Variants in DGKB observed in about 807,000 individuals in gnomAD.
The protein encoded by DGKB is diacylglycerol kinase beta.
In DGKB, 67 loss-of-function variants were observed where a neutral mutation model predicts 114.3. The ratio of observed to expected loss-of-function variants is 0.59; its 90% CI spans 0.48 to 0.72. The LOEUF is 0.72. Ranked by LOEUF, DGKB falls within the 30% of genes least tolerant of loss-of-function variation. The pLI, the probability that DGKB is intolerant of heterozygous loss-of-function variation, is 0.00. For synonymous variants in DGKB, 398 were observed against 323.1 expected, an observed-to-expected ratio of 1.23 and a Z score of -2.49; for missense variants, 907 against 975.2, an observed-to-expected ratio of 0.93 and a Z score of 0.93.
At chr7:14,488,437 AAAT>A (rs560274224) in intron 20 of DGKB, among the ~76,000 whole-genome samples, 308 of 152,236 alleles carry the variant, frequency 2.0e-3, no homozygotes, top group African/African-American at 6.9e-3. Context: ...ATGCTCCCTT[AAAT>A]ACAAAGTTTC....
At chr7:14,164,213 T>C (rs557772132) in intron 25 of DGKB, among the ~76,000 whole-genome samples, 61 of 152,302 alleles carry the variant, frequency 4.0e-4, no homozygotes, top group African/African-American at 1.3e-3. Flanking sequence ...TCTTTTTCTT[T>C]CATCACTAAA....
chr7:14,679,813 T>C (rs1162446519), intron 12 of DGKB, among the ~76,000 whole-genome samples: 1 of 152,040 alleles, frequency 6.6e-6, no homozygotes, highest in Non-Finnish European at 1.5e-5. Flanking sequence ...AATGGTTCAA[T>C]AGAAAACTAT....
At chr7:14,454,874 C>A (rs953055379) in intron 21 of DGKB, among the ~76,000 whole-genome samples, 7 of 152,012 alleles carry the variant, frequency 4.6e-5, no homozygotes, top group Non-Finnish European at 1.0e-4. Context: ...AATAGTATAA[C>A]AATCCTGAGA....
intron 17 of DGKB, 91 bp downstream of exon 17, chr7:14,607,343 C>A: frequency 1.4e-6 from 1 of 717,564 alleles, no homozygotes; most frequent in South Asian, 1.7e-5. Context: ...CTGCTGTGTT[C>A]AAATAACATT....
chr7:14,274,242 T>C (rs1479080809), intron 23 of DGKB, among the ~76,000 whole-genome samples: 2 of 152,194 alleles, frequency 1.3e-5, no homozygotes, highest in East Asian at 3.9e-4. Flanking sequence ...ACTCAGGAGA[T>C]TCCTTGAAGG....
intron 2 of DGKB, among the ~76,000 whole-genome samples, chr7:14,760,403 A>G (rs1349735825): frequency 6.6e-6 from 1 of 152,184 alleles, no homozygotes; most frequent in Non-Finnish European, 1.5e-5. Flanking sequence ...GCAAAAAATT[A>G]CAATAATTGC....
chr7:14,588,446 A>T (rs1413697805), intron 17 of DGKB, among the ~76,000 whole-genome samples: 1 of 152,016 alleles, frequency 6.6e-6, no homozygotes, highest in Non-Finnish European at 1.5e-5. Context: ...CTCAGAATTC[A>T]CATACACTCT....
upstream of DGKB, among the ~76,000 whole-genome samples, chr7:14,904,598 C>T (rs1313381819): frequency 1.3e-5 from 2 of 152,140 alleles, no homozygotes; most frequent in Non-Finnish European, 2.9e-5. Flanking sequence ...CAACAAATAT[C>T]AATTTGCCAA....
chr7:14,215,678 A>G (rs1436941342), intron 23 of DGKB, among the ~76,000 whole-genome samples: 2 of 152,140 alleles, frequency 1.3e-5, no homozygotes, highest in Non-Finnish European at 2.9e-5. Context: ...GCCTAATTAA[A>G]TTAATTCATG....
chr7:14,742,785 T>C (rs984772192), intron 4 of DGKB, among the ~76,000 whole-genome samples: 5 of 152,250 alleles, frequency 3.3e-5, no homozygotes, highest in South Asian at 2.1e-4. Flanking sequence ...CCACTGAAAA[T>C]AGATTGACAT....
intron 17 of DGKB, among the ~76,000 whole-genome samples, chr7:14,606,932 T>G (rs1197091406): frequency 6.6e-6 from 1 of 152,040 alleles, no homozygotes; most frequent in African/African-American, 2.4e-5. Context: ...TTTTTAAAAT[T>G]TAACTTGAAT....
chr7:14,641,663 T>C (rs2128875253), intron 13 of DGKB, among the ~76,000 whole-genome samples: 1 of 152,296 alleles, frequency 6.6e-6, no homozygotes, highest in East Asian at 1.9e-4. Flanking sequence ...ACTTTTATTA[T>C]AGACTATATA....
chr7:14,934,117 G>T (rs1016566699), intron 1 of DGKB, among the ~76,000 whole-genome samples: 1 of 152,104 alleles, frequency 6.6e-6, no homozygotes, highest in Non-Finnish European at 1.5e-5. Flanking sequence ...GCATTTGAAT[G>T]ACTTGTCAGC....
intron 20 of DGKB, among the ~76,000 whole-genome samples, chr7:14,498,666 T>C (rs1336120550): frequency 6.6e-6 from 1 of 151,764 alleles, no homozygotes; most frequent in Non-Finnish European, 1.5e-5. Flanking sequence ...TGTCAAAGCA[T>C]GCTATAATGT....
intron 4 of DGKB, among the ~76,000 whole-genome samples, chr7:14,746,496 T>A (rs1723256): frequency 6.6e-6 from 1 of 152,028 alleles, no homozygotes; most frequent in African/African-American, 2.4e-5. Context: ...ACTTTAATTT[T>A]CCTTTTTTTA....
At chr7:14,804,519 T>C (rs1842567469) in intron 2 of DGKB, among the ~76,000 whole-genome samples, 1 of 152,064 alleles carries the variant, frequency 6.6e-6, no homozygotes. Context: ...TCTTTCCAGG[T>C]CAGCACTAGG....
chr7:14,541,622 C>T (rs1413696186), intron 20 of DGKB, among the ~76,000 whole-genome samples: 1 of 152,114 alleles, frequency 6.6e-6, no homozygotes. Flanking sequence ...ATAGAAGCAA[C>T]CTAATCCAAA....
At chr7:14,795,894 A>G (rs747730235) in intron 2 of DGKB, among the ~76,000 whole-genome samples, 3 of 152,182 alleles carry the variant, frequency 2.0e-5, no homozygotes, top group Admixed American at 6.5e-5. Flanking sequence ...CTATGCATGA[A>G]TTTCAAAAAT....
chr7:14,928,747 G>A (rs964807291), intron 1 of DGKB, among the ~76,000 whole-genome samples: 1 of 150,058 alleles, frequency 6.7e-6, no homozygotes, highest in Non-Finnish European at 1.5e-5. Context: ...TGGGGGTGAA[G>A]TTAGGGCTTT....
Sources: allele counts gnomAD v4.1 joint callset (sites outside exome capture counted in the v4.1 genomes callset), GRCh38; gene constraint gnomAD v4.1.1; transcripts MANE v1.5; gene names NCBI Gene and HGNC (gene_info 2026-07-23, HGNC 2026-07-21).